The following FRRS1 variants were observed in gnomAD, a reference collection of about 807,000 sequenced individuals.
The protein encoded by FRRS1 is ferric chelate reductase 1, also known as ferric reductase 1.
A neutral mutation model predicts 70.7 loss-of-function variants in FRRS1; 51 were observed. The ratio of observed to expected loss-of-function variants is 0.72; its 90% CI spans 0.58 to 0.91. The LOEUF (loss-of-function observed/expected upper bound fraction) is 0.91. Among genes scored for constraint, FRRS1 ranks in the 40% least tolerant of loss-of-function variants. The probability of loss-of-function intolerance (pLI) is 0.00; values close to 1 mark genes in which losing one functional copy is unlikely to be tolerated. For missense variants in FRRS1, 672 were observed against 726.0 expected (o/e 0.93, Z 0.86); for synonymous variants, 225 against 238.7 (o/e 0.94, Z 0.53).
At chr1:99,711,028 T>C in intron 14 of FRRS1, 79 bp from the exon 15 acceptor site, 1 of 1,231,828 alleles carries the variant, frequency 8.1e-7, no homozygotes, top group Non-Finnish European at 1.1e-6. Context: ...ATGTGTATTA[T>C]CAAGTAAAAC....
At chr1:99,730,409 A>C (rs1258226284) in intron 7 of FRRS1, among the ~76,000 whole-genome samples, 3 of 152,156 alleles carry the variant, frequency 2.0e-5, no homozygotes, top group African/African-American at 7.2e-5. Flanking sequence ...TAACTCTGAA[A>C]GTTAGATCTT....
chr1:99,715,448 GC>G, intron 12 of FRRS1, 137 bp downstream of exon 12: 1 of 601,204 alleles, frequency 1.7e-6, no homozygotes, highest in Non-Finnish European at 3.1e-6. Flanking sequence ...ATGTGAGAGA[GC>G]CATCCAATGA....
chr1:99,725,312 T>C (rs888692676), intron 9 of FRRS1, among the ~76,000 whole-genome samples: 2 of 152,188 alleles, frequency 1.3e-5, no homozygotes, highest in Non-Finnish European at 2.9e-5. Flanking sequence ...TAAAATACAT[T>C]AAAATATTTA....
At chr1:99,722,347 A>G (rs1654875875) in intron 9 of FRRS1, among the ~76,000 whole-genome samples, 2 of 152,060 alleles carry the variant, frequency 1.3e-5, no homozygotes. Context: ...TCTAGAGCTT[A>G]CTCTATGAGT....
At chr1:99,755,853 G>A (rs1656807016) in intron 1 of FRRS1, among the ~76,000 whole-genome samples, 1 of 152,176 alleles carries the variant, frequency 6.6e-6, no homozygotes, top group South Asian at 2.1e-4. Flanking sequence ...ACCCATCATC[G>A]ATTAGGAAAA....
intron 7 of FRRS1, among the ~76,000 whole-genome samples, chr1:99,731,639 T>C (rs1220925525): frequency 3.3e-5 from 5 of 152,132 alleles, no homozygotes; most frequent in Non-Finnish European, 7.4e-5. Flanking sequence ...CAAATGAAAA[T>C]AAATCAAACT....
chr1:99,718,229 T>C (rs576399983), intron 10 of FRRS1, among the ~76,000 whole-genome samples: 7 of 152,216 alleles, frequency 4.6e-5, no homozygotes, highest in Non-Finnish European at 8.8e-5. Context: ...ACTACTCCCA[T>C]ACTTTTAAAT....
chr1:99,721,286 G>C (rs1354302804), intron 9 of FRRS1, among the ~76,000 whole-genome samples: 1 of 151,634 alleles, frequency 6.6e-6, no homozygotes, highest in Admixed American at 6.6e-5. Context: ...GGCTGAGGCA[G>C]GAGACTCACT....
At chr1:99,740,247 A>T (rs572239029) in intron 6 of FRRS1, among the ~76,000 whole-genome samples, 17 of 152,278 alleles carry the variant, frequency 1.1e-4, no homozygotes, top group African/African-American at 4.1e-4. Context: ...CATCAGATTT[A>T]TTTTCAAATG....
intron 1 of FRRS1, among the ~76,000 whole-genome samples, chr1:99,750,426 G>A (rs942950449): frequency 1.2e-4 from 18 of 152,188 alleles, no homozygotes; most frequent in African/African-American, 3.4e-4. Context: ...TAGGTATGAT[G>A]GAGATGTTGG....
chr1:99,710,892 T>C lies in FRRS1; in HGVS notation c.1538A>G (p.Lys513Arg). The change falls in exon 15 of 17, where the codon AAA (lysine) becomes AGA (arginine). Residue 513 changes from lysine to arginine, a missense_variant. Coordinates refer to ENST00000646001, the MANE Select transcript of FRRS1 (RefSeq NM_001361041.2). ...LPGLNLPDSW[K>R]TYAMTGFVAW... Reference sequence around the variant, plus strand: ...TACGAATCCGGTCATTGCATAGGTTTTCCATGAATCAGGAAGATTCAGTCC... The same window carrying C: ...TACGAATCCGGTCATTGCATAGGTTCTCCATGAATCAGGAAGATTCAGTCC... The C allele has an allele frequency of 6.2e-7, 1 of 1,613,998 alleles. No individual in the cohort carries two copies. The highest frequency in any genetic ancestry group is 1.1e-5 in the South Asian group (1 of 91,054).
chr1:99,740,201 G>C (rs1330680408), intron 6 of FRRS1, among the ~76,000 whole-genome samples: 1 of 148,992 alleles, frequency 6.7e-6, no homozygotes, highest in Non-Finnish European at 1.5e-5. Context: ...TTGATATCTG[G>C]CTGTGTTTAA....
At chr1:99,756,363 C>T (rs1262747239) in intron 1 of FRRS1, among the ~76,000 whole-genome samples, 1 of 152,102 alleles carries the variant, frequency 6.6e-6, no homozygotes, top group Non-Finnish European at 1.5e-5. Flanking sequence ...TTCTTTCTTA[C>T]CTGAAAGACA....
chr1:99,732,885 C>T (rs1444837150), intron 7 of FRRS1, among the ~76,000 whole-genome samples: 1 of 150,022 alleles, frequency 6.7e-6, no homozygotes, highest in Non-Finnish European at 1.5e-5. Flanking sequence ...GTTCTGTCAC[C>T]TAGGCTGGAA....
rs575879765 is a variant in FRRS1 at position 99,738,286 on chromosome 1, GA to G, written c.577-19del. 96 of 1,524,456 alleles carry G rather than the reference GA, an allele frequency of 6.3e-5. No individual in the cohort carries two copies. Among genetic ancestry groups the G allele is most frequent in the African/African-American group, 4.9e-4 (34 of 70,088 alleles). The allele number at this position is 1,524,456 out of a possible 1,614,324, so 94.4% of individuals were successfully genotyped here. A position where few individuals can be genotyped will look rare whatever the true frequency, so the allele number is the denominator to read the frequency against. On this transcript the variant is annotated intron_variant, in intron 6 of 16. Coordinates refer to ENST00000646001, the MANE Select transcript of FRRS1 (RefSeq NM_001361041.2). ...GCACTGAACTAGAAAAATGACAGAG[GA>G]AAAAAAAATCTTAATTATCAAACAA... is the stretch of plus-strand genomic sequence containing the variant.
At chr1:99,757,968 GAATCACAA>G (rs1656920460) in intron 1 of FRRS1, among the ~76,000 whole-genome samples, 1 of 148,860 alleles carries the variant, frequency 6.7e-6, no homozygotes, top group African/African-American at 2.5e-5. Flanking sequence ...AAAAAACACA[GAATCACAA>G]AAACAGTCTA....
At chr1:99,753,361 T>G (rs1656669181) in intron 1 of FRRS1, among the ~76,000 whole-genome samples, 1 of 151,544 alleles carries the variant, frequency 6.6e-6, no homozygotes, top group African/African-American at 2.4e-5. Flanking sequence ...TCTTTTTCTT[T>G]TTTTAATAAT....
chr1:99,740,218 GA>G (rs35677289), intron 6 of FRRS1, among the ~76,000 whole-genome samples: 31,622 of 151,090 alleles, frequency 0.21, 3,357 homozygotes, highest in East Asian at 0.27. Context: ...TTAAAAGAAA[GA>G]AAAAAAAACT....
At chr1:99,744,417 G>C (rs1656135172) in intron 4 of FRRS1, among the ~76,000 whole-genome samples, 1 of 152,176 alleles carries the variant, frequency 6.6e-6, no homozygotes, top group South Asian at 2.1e-4. Flanking sequence ...AGAGGCAACA[G>C]GCAAGTTCCC....
Sources: gnomAD v4.1 joint callset for allele counts (sites outside exome capture counted in the v4.1 genomes callset) on GRCh38, gnomAD v4.1.1 for gene constraint, MANE v1.5 for transcripts, NCBI Gene and HGNC (gene_info 2026-07-23, HGNC 2026-07-21) for gene names.